Variants in MARK4 observed in about 807,000 individuals in gnomAD.
MARK4 encodes the protein MAP/microtubule affinity-regulating kinase 4.
In MARK4, 19 loss-of-function variants were observed where a neutral mutation model predicts 81.5. The observed-to-expected ratio is 0.23, with a 90% CI of 0.16 to 0.34. MARK4 has a LOEUF of 0.34. MARK4 is among the 10% of genes least tolerant of loss of function. The pLI is 1.00. For synonymous variants in MARK4, 436 were observed against 439.0 expected, an observed-to-expected ratio of 0.99 and a Z score of 0.08; for missense variants, 772 against 1,058.8, an observed-to-expected ratio of 0.73 and a Z score of 3.76.
At chr19:45,259,901 A>G (rs139777893) in intron 2 of MARK4, among the ~76,000 whole-genome samples, 1 of 152,306 alleles carries the variant, frequency 6.6e-6, no homozygotes, top group Non-Finnish European at 1.5e-5. Flanking sequence ...AGCCTGACCA[A>G]CATGATGAAA....
intron 7 of MARK4, among the ~76,000 whole-genome samples, chr19:45,269,063 C>G (rs1401356054): frequency 6.6e-6 from 1 of 152,074 alleles, no homozygotes; most frequent in African/African-American, 2.4e-5. Flanking sequence ...GATTGCGGAG[C>G]CTCAAATGGC....
At chr19:45,266,085 T>C in intron 6 of MARK4, 140 bp from the exon 7 acceptor site, 2 of 824,958 alleles carry the variant, frequency 2.4e-6, no homozygotes, top group Middle Eastern at 5.4e-4. Context: ...TTGCTGTGAC[T>C]GAATCAGGGT....
At chr19:45,294,290 G>T in intron 13 of MARK4, 59 bp from the exon 14 acceptor site, 1 of 1,517,770 alleles carries the variant, frequency 6.6e-7, no homozygotes, top group East Asian at 2.3e-5. Flanking sequence ...AGGGAAGAGG[G>T]AGAAGCTCAG....
Position 45,302,713 on chromosome 19 carries a change from C to G in MARK4, c.*3C>G. On this transcript the variant is annotated 3_prime_UTR_variant, in exon 17 of 17. Coordinates refer to ENST00000262891, the MANE Select transcript of MARK4 (RefSeq NM_001199867.2). The surrounding 1 kb of genome is among the most constrained non-coding windows in gnomAD (Gnocchi z 4.9). ...TCTCCAACGACCTCGAGCTCTGAGCCACCACGGTCCCAGGGCCCTTACTCT... is the reference window on the plus strand; with the variant it reads ...TCTCCAACGACCTCGAGCTCTGAGCGACCACGGTCCCAGGGCCCTTACTCT... 6.5e-7 allele frequency: 1 copy of G among 1,536,110 alleles called. No homozygotes were observed. The highest frequency in any genetic ancestry group is 1.2e-5 in the South Asian group (1 of 84,146).
intron 12 of MARK4, among the ~76,000 whole-genome samples, 191 bp downstream of exon 12, chr19:45,280,925 A>T (rs1276661830): frequency 6.6e-6 from 1 of 152,054 alleles, no homozygotes; most frequent in African/African-American, 2.4e-5. Context: ...CAGGCTCAGG[A>T]AGGGATTAAA....
intron 14 of MARK4, among the ~76,000 whole-genome samples, chr19:45,295,580 G>C (rs1970876451): frequency 6.6e-6 from 1 of 152,138 alleles, no homozygotes; most frequent in African/African-American, 2.4e-5. Context: ...TTCGAGACCA[G>C]CCTGGCCAAC....
Position 45,297,742 on chromosome 19 carries a change from G to C in MARK4, c.1665G>C (p.Glu555Asp). 1 of 1,575,500 alleles carries C rather than the reference G, an allele frequency of 6.3e-7. No individual in the cohort carries two copies. The highest frequency in any genetic ancestry group is 8.6e-7 in the Non-Finnish European group (1 of 1,164,550). Residue 555 changes from glutamate to aspartate, a missense_variant, in exon 15 of 17, where the codon GAG becomes GAC. By Grantham distance (45) the Glu-to-Asp change is conservative. Coordinates refer to ENST00000262891, the MANE Select transcript of MARK4 (RefSeq NM_001199867.2). ...ACAGCCTGGCACCCCCATCAGGGGA[G>C]CGGAGCCGCCTGGCACGTGGTTCCA... is the stretch of plus-strand genomic sequence containing the variant. ...SSHSLAPPSGERSRLARGSTI... is the reference protein window; with the variant it reads ...SSHSLAPPSGDRSRLARGSTI...
chr19:45,269,344 A>C (rs971578286), intron 7 of MARK4, among the ~76,000 whole-genome samples: 2 of 152,164 alleles, frequency 1.3e-5, no homozygotes, highest in African/African-American at 4.8e-5. Flanking sequence ...GTGCCACTGC[A>C]CTCCAACCTG....
At chr19:45,287,220 AAAG>A (rs1339197351) in intron 12 of MARK4, among the ~76,000 whole-genome samples, 10 of 151,772 alleles carry the variant, frequency 6.6e-5, no homozygotes, top group Admixed American at 1.3e-4. Flanking sequence ...AAAAAAAAAA[AAAG>A]AAGGTGCAAT....
intron 1 of MARK4, among the ~76,000 whole-genome samples, chr19:45,254,260 C>A (rs1970280076): frequency 6.6e-6 from 1 of 152,186 alleles, no homozygotes; most frequent in Non-Finnish European, 1.5e-5. Context: ...TTTTAGCTCC[C>A]ACCCCCGGCC....
chr19:45,293,271 A>C (rs1970842137), intron 13 of MARK4, among the ~76,000 whole-genome samples: 1 of 152,160 alleles, frequency 6.6e-6, no homozygotes. Context: ...TGTCCAAAAA[A>C]ATAAATAAAT....
At chr19:45,265,160 G>A (rs1325535568) in intron 6 of MARK4, among the ~76,000 whole-genome samples, 1 of 152,190 alleles carries the variant, frequency 6.6e-6, no homozygotes, top group African/African-American at 2.4e-5. Context: ...CGGTGGGCAG[G>A]TGTTGCATGT....
intron 1 of MARK4, among the ~76,000 whole-genome samples, chr19:45,254,758 A>G (rs1368167859): frequency 6.6e-6 from 1 of 152,148 alleles, no homozygotes; most frequent in Non-Finnish European, 1.5e-5. Flanking sequence ...CTGTGAATGG[A>G]CTGTGTGACC....
intron 2 of MARK4, among the ~76,000 whole-genome samples, chr19:45,262,370 T>G (rs1970391999): frequency 6.8e-6 from 1 of 148,068 alleles, no homozygotes; most frequent in Admixed American, 6.8e-5. Flanking sequence ...GTGGGGTGGG[T>G]GCGGAGAATG....
In MARK4 at chr19:45,278,183, G is replaced by T. The variant is rs1215872141; in HGVS notation, c.906+141G>T. On this transcript the variant is annotated intron_variant, in intron 9 of 16. Coordinates refer to ENST00000262891, the MANE Select transcript of MARK4 (RefSeq NM_001199867.2). ...GAAGATCTGCTGCTGGTGAGTGGGG[G>T]TAGACAGGCCGTCCAGGGAAAAGCT... 2.4e-6 allele frequency: 3 copies of T among 1,260,478 alleles called. No individual in the cohort carries two copies. The South Asian group carries it at 4.2e-5, about 18-fold the overall frequency. 78.1% of individuals were successfully genotyped at this position (1,260,478 alleles called of 1,614,324 possible). A position where few individuals can be genotyped will look rare whatever the true frequency, so the allele number is the denominator to read the frequency against.
At chr19:45,296,417 T>C (rs1206540611) in intron 14 of MARK4, among the ~76,000 whole-genome samples, 1 of 152,242 alleles carries the variant, frequency 6.6e-6, no homozygotes, top group Non-Finnish European at 1.5e-5. Context: ...CTGAGGCCGC[T>C]GCACCAGCAG....
intron 1 of MARK4, chr19:45,258,782 G>A: frequency 1.7e-6 from 1 of 581,662 alleles, no homozygotes; most frequent in Non-Finnish European, 3.0e-6. Flanking sequence ...CTGGGGCCCT[G>A]AATGTTGCAG....
At chr19:45,275,759 TG>T (rs1970590018) in intron 8 of MARK4, among the ~76,000 whole-genome samples, 1 of 152,202 alleles carries the variant, frequency 6.6e-6, no homozygotes, top group South Asian at 2.1e-4. Flanking sequence ...GTCTGGAAAG[TG>T]GGCGTTATAA....
Position 45,271,351 on chromosome 19 carries a change from C to T in MARK4, c.550-121C>T. ...CTAAGGTCAGGTAGAGAGTAAAGGA[C>T]AGGCCCAAGAGTTGATCCCTGTGGG... On this transcript the variant is annotated intron_variant, in intron 7 of 16. Transcript: ENST00000262891. This position sits in a 1 kb window ranked among gnomAD's most constrained non-coding sequence, Gnocchi z 4.1. 1 of 911,244 alleles carries T rather than the reference C, an allele frequency of 1.1e-6. No individual in the cohort carries two copies. Among genetic ancestry groups the T allele is most frequent in the South Asian group, 1.6e-5 (1 of 64,450 alleles). 56.4% of individuals were successfully genotyped at this position (911,244 alleles called of 1,614,324 possible).
Sources: allele counts gnomAD v4.1 joint callset (sites outside exome capture counted in the v4.1 genomes callset), GRCh38; gene constraint gnomAD v4.1.1; non-coding constraint Gnocchi (gnomAD v3.1); transcripts MANE v1.5; gene names NCBI Gene and HGNC (gene_info 2026-07-23, HGNC 2026-07-21).